The following CSMD1 variants were observed in gnomAD, a reference collection of about 807,000 sequenced individuals.
The protein encoded by CSMD1 is CUB and Sushi multiple domains 1.
Under a neutral mutation model 417.5 loss-of-function variants are expected in CSMD1, and 213 were observed. The observed-to-expected ratio is 0.51, with a 90% CI of 0.46 to 0.57. The LOEUF is 0.57. Among genes scored for constraint, CSMD1 ranks in the 20% least tolerant of loss-of-function variants. The pLI is 0.00. For missense variants in CSMD1, 6,923 were observed against 4,529.7 expected, an observed-to-expected ratio of 1.53 and a Z score of -15.17; for synonymous variants, 2,862 against 1,736.8, an observed-to-expected ratio of 1.65 and a Z score of -16.11.
intron 5 of CSMD1, among the ~76,000 whole-genome samples, chr8:3,810,081 C>T (rs899492658): frequency 6.6e-6 from 1 of 152,158 alleles, no homozygotes; most frequent in Non-Finnish European, 1.5e-5. Context: ...ATGCTTGTCA[C>T]ATTTAAATGT....
At chr8:4,471,832 C>T (rs1800553847) in intron 2 of CSMD1, among the ~76,000 whole-genome samples, 1 of 152,000 alleles carries the variant, frequency 6.6e-6, no homozygotes, top group African/African-American at 2.4e-5. Flanking sequence ...CTAATGACTA[C>T]GCTGCAAGGA....
intron 42 of CSMD1, among the ~76,000 whole-genome samples, chr8:3,116,274 G>A (rs575003622): frequency 1.4e-4 from 22 of 152,004 alleles, no homozygotes; most frequent in African/African-American, 4.6e-4. Context: ...CGTGCGTTTC[G>A]GTTTCTTTAT....
chr8:3,249,905 A>G (rs543431245), intron 26 of CSMD1, among the ~76,000 whole-genome samples: 16 of 152,354 alleles, frequency 1.1e-4, no homozygotes, highest in African/African-American at 3.8e-4. Flanking sequence ...TGCAAAGCCA[A>G]CTAAATTATA....
At chr8:3,538,648 T>C (rs1221655652) in intron 10 of CSMD1, among the ~76,000 whole-genome samples, 1 of 152,246 alleles carries the variant, frequency 6.6e-6, no homozygotes, top group Non-Finnish European at 1.5e-5. Context: ...CTTTCCTCTT[T>C]TTGTTGCCAG....
rs1317685189 is a variant in CSMD1, at chr8:4,071,782, G to C, written c.416-39683C>G. 4.6e-5 allele frequency among the ~76,000 whole-genome samples: 7 copies of C among 152,020 alleles called. No homozygotes were observed. The South Asian group carries it at 6.2e-4, about 14-fold the overall frequency. On this transcript the variant is annotated intron_variant, in intron 3 of 69. Transcript: ENST00000635120. Reference sequence around the variant, plus strand: ...TTGGGGTTTTATTTTTTATTCCTTGGCAGGAAATTAAGTTAGTTGCATTCA... The same window carrying C: ...TTGGGGTTTTATTTTTTATTCCTTGCCAGGAAATTAAGTTAGTTGCATTCA...
At chr8:3,337,587 A>T (rs562709853) in intron 23 of CSMD1, among the ~76,000 whole-genome samples, 243 of 152,280 alleles carry the variant, frequency 1.6e-3, no homozygotes, top group Non-Finnish European at 2.8e-3. Context: ...TCTAATGCTG[A>T]TGTACAGGGA....
intron 1 of CSMD1, among the ~76,000 whole-genome samples, chr8:4,844,558 A>T (rs1476471585): frequency 6.6e-6 from 1 of 152,160 alleles, no homozygotes; most frequent in Non-Finnish European, 1.5e-5. Flanking sequence ...ATAACCAGCC[A>T]TGAGGGGTGC....
intron 33 of CSMD1, among the ~76,000 whole-genome samples, chr8:3,197,143 T>A (rs1245168092): frequency 1.3e-5 from 2 of 152,212 alleles, no homozygotes; most frequent in African/African-American, 4.8e-5. Context: ...GATGGTAACA[T>A]CATCATTAAT....
At chr8:4,456,291 A>G (rs1799479419) in intron 2 of CSMD1, among the ~76,000 whole-genome samples, 1 of 152,202 alleles carries the variant, frequency 6.6e-6, no homozygotes, top group Non-Finnish European at 1.5e-5. Flanking sequence ...TAAAAGCTGA[A>G]GACAATTTGT....
chr8:4,549,440 T>A (rs530481035), intron 2 of CSMD1, among the ~76,000 whole-genome samples: 1 of 152,330 alleles, frequency 6.6e-6, no homozygotes, highest in South Asian at 2.1e-4. Flanking sequence ...CTTCTTTTGC[T>A]TTTTTAATTG....
chr8:4,448,021 C>G lies in CSMD1; in HGVS notation c.303-27956G>C, dbSNP rs57957615. Among the ~76,000 whole-genome samples the G allele has an allele frequency of 4.9e-3, 746 of 152,228 alleles. 8 individuals carry two copies. The highest frequency in any genetic ancestry group is 0.017 in the African/African-American group (707 of 41,554). On this transcript the variant is annotated intron_variant, in intron 2 of 69. Coordinates refer to ENST00000635120, the MANE Select transcript of CSMD1 (RefSeq NM_033225.6). ...AGGGGCAGGTGGTAAAACTAAAAAACTAAAGTGGTTCCGCATGAGGTTTCC... is the reference window on the plus strand; with the variant it reads ...AGGGGCAGGTGGTAAAACTAAAAAAGTAAAGTGGTTCCGCATGAGGTTTCC...
chr8:4,747,267 T>C (rs997463251), intron 1 of CSMD1, among the ~76,000 whole-genome samples: 2 of 152,210 alleles, frequency 1.3e-5, no homozygotes, highest in Non-Finnish European at 2.9e-5. Flanking sequence ...TAAGTAGTAT[T>C]GAAAACAAGC....
chr8:4,868,326 T>C (rs1279773785), intron 1 of CSMD1, among the ~76,000 whole-genome samples: 1 of 151,980 alleles, frequency 6.6e-6, no homozygotes. Context: ...CTCCATCCCC[T>C]GGGTTCGAGC....
rs547254861 is a variant in CSMD1 at position 4,032,205 on chromosome 8, C to T, written c.416-106G>A. The T allele has an allele frequency of 1.5e-5, 11 of 730,944 alleles. No individual in the cohort carries two copies. The African/African-American group carries it at 1.6e-4, about 11-fold the overall frequency. The allele number at this position is 730,944 out of a possible 1,614,324, so 45.3% of individuals were successfully genotyped here. A position where few individuals can be genotyped will look rare whatever the true frequency, so the allele number is the denominator to read the frequency against. On this transcript the variant is annotated intron_variant, in intron 3 of 69. Transcript: ENST00000635120. ...TTTTTGAATTATTAAAATGAGAAAA[C>T]CTCTAGCATCAGAAAAATATTAATT...
intron 50 of CSMD1, among the ~76,000 whole-genome samples, chr8:3,035,460 T>A (rs573014904): frequency 1.3e-5 from 2 of 152,312 alleles, no homozygotes; most frequent in East Asian, 3.9e-4. Flanking sequence ...TCTCACATCA[T>A]GTTGTGTTTC....
intron 12 of CSMD1, among the ~76,000 whole-genome samples, chr8:3,424,604 C>A (rs1427475388): frequency 6.6e-6 from 1 of 152,162 alleles, no homozygotes; most frequent in Non-Finnish European, 1.5e-5. Context: ...ACCCTAGTAT[C>A]ACAATTTGAA....
chr8:3,531,260 A>T (rs957005875), intron 10 of CSMD1, among the ~76,000 whole-genome samples: 1 of 152,154 alleles, frequency 6.6e-6, no homozygotes, highest in African/African-American at 2.4e-5. Flanking sequence ...TCTGGCTTTT[A>T]TTCACCATGG....
At chr8:3,393,982 G>T (rs1446409332) in intron 17 of CSMD1, among the ~76,000 whole-genome samples, 2 of 14,618 alleles carry the variant, frequency 1.4e-4, no homozygotes, top group African/African-American at 2.0e-4. Context: ...AGAACTTAAC[G>T]TATAATAATA....
intron 7 of CSMD1, among the ~76,000 whole-genome samples, chr8:3,678,698 T>C (rs1018143378): frequency 3.3e-5 from 5 of 152,050 alleles, no homozygotes; most frequent in African/African-American, 1.2e-4. Context: ...GCCACAAAGA[T>C]ACTCCTCGAG....
Sources: allele counts gnomAD v4.1 joint callset (sites outside exome capture counted in the v4.1 genomes callset), GRCh38; gene constraint gnomAD v4.1.1; transcripts MANE v1.5; gene names NCBI Gene and HGNC (gene_info 2026-07-23, HGNC 2026-07-21).